The following HSDL1 variants were observed in gnomAD, a reference collection of about 807,000 sequenced individuals.
HSDL1 encodes inactive hydroxysteroid dehydrogenase-like protein 1.
A neutral mutation model predicts 31.5 loss-of-function variants in HSDL1; 29 were observed. The ratio of observed to expected loss-of-function variants is 0.92; its 90% confidence interval spans 0.69 to 1.26. The LOEUF (loss-of-function observed/expected upper bound fraction) is 1.26, where lower values mean the gene tolerates loss of function less well. Ranked by LOEUF, HSDL1 falls within the 50% of genes most tolerant of loss-of-function variation. The pLI, the probability that HSDL1 is intolerant of heterozygous loss-of-function variation, is 0.00. For missense variants in HSDL1, 503 were observed against 416.6 expected, an observed-to-expected ratio of 1.21 and a Z score of -1.81; for synonymous variants, 222 against 155.2, an observed-to-expected ratio of 1.43 and a Z score of -3.20.
Position 84,130,251 on chromosome 16 carries a change from A to G in HSDL1, c.401T>C (p.Leu134Pro). 1.2e-6 allele frequency: 2 copies of G among 1,614,238 alleles called. No homozygotes were observed. The highest frequency in any genetic ancestry group is 1.7e-6 in the Non-Finnish European group (2 of 1,180,042). Residue 134 changes from leucine to proline, a missense_variant, in exon 4 of 6, where the codon CTT becomes CCT. Leu to Pro is a moderately conservative substitution (Grantham distance 98, BLOSUM62 -3). Coordinates refer to ENST00000219439, the MANE Select transcript of HSDL1 (RefSeq NM_031463.5). Reference protein sequence around the residue: ...ADFSSGREIYLPIREALKDKD... With the variant: ...ADFSSGREIYPPIREALKDKD... ...GTCCTTCAGGGCTTCTCGAATTGGA[A>G]GGTAGATCTCACGACCGCTGCTGAA...
In HSDL1 at chr16:84,141,552, C is replaced by A. The variant is rs925572665; in HGVS notation, c.-69+3528G>T. Among the ~76,000 whole-genome samples the A allele has an allele frequency of 3.9e-5, 6 of 152,374 alleles. No individual in the cohort carries two copies. In the East Asian group the frequency reaches 1.2e-3, roughly 29 times the overall value. The stretch of plus-strand genomic sequence containing the variant: ...GCAAAGGGATTTGCCCATGGTTTAA[C>A]TGCTGGTCCACATGCATTCCACTGC... On this transcript the variant is annotated intron_variant, in intron 1 of 5. Transcript: ENST00000219439.
rs753159898 is a variant in HSDL1 at position 84,130,343 on chromosome 16, C to A, written c.309G>T (p.Lys103Asn). 2 of 1,614,222 alleles carry A rather than the reference C, an allele frequency of 1.2e-6. No homozygotes were observed. Among genetic ancestry groups the A allele is most frequent in the South Asian group, 2.2e-5 (2 of 91,084 alleles). The stretch of plus-strand genomic sequence containing the variant: ...CTATGTCTTTAGCAACAACCTGCAA[C>A]TTCTCCTCGTTCCGACTAATCAGGA... ...NIILISRNEE[K>N]LQVVAKDIAD... The change falls in exon 4 of 6, where the codon AAG (lysine) becomes AAT (asparagine). Residue 103 changes from lysine to asparagine, a missense_variant. By Grantham distance (94) the Lys-to-Asn change is moderately conservative. Transcript: ENST00000219439.
At chr16:84,125,954 T>A (rs906686734) in intron 5 of HSDL1, among the ~76,000 whole-genome samples, 1 of 151,922 alleles carries the variant, frequency 6.6e-6, no homozygotes, top group African/African-American at 2.4e-5. Flanking sequence ...ATACAAAAAA[T>A]TAGCCAGGCG....
intron 5 of HSDL1, among the ~76,000 whole-genome samples, chr16:84,128,391 T>G (rs1344118255): frequency 6.6e-6 from 1 of 152,080 alleles, no homozygotes; most frequent in East Asian, 1.9e-4. Context: ...AAATTAATAC[T>G]TACGATCACA....
chr16:84,125,761 A>T (rs1167130277), intron 5 of HSDL1, among the ~76,000 whole-genome samples: 2 of 152,240 alleles, frequency 1.3e-5, no homozygotes, highest in African/African-American at 4.8e-5. Flanking sequence ...ATGTAAATAC[A>T]ATTCTGTCTT....
Position 84,131,193 on chromosome 16 carries a change from G to A in HSDL1, c.129C>T (p.Asp43=), listed in dbSNP as rs1175623853. 13 of 1,614,066 alleles carry A rather than the reference G, an allele frequency of 8.1e-6. No individual in the cohort carries two copies. The highest frequency in any genetic ancestry group is 8.5e-6 in the Non-Finnish European group (10 of 1,180,018). The change falls in exon 3 of 6, where the codon GAC becomes GAT. Residue 43 remains aspartate, a synonymous_variant. Coordinates refer to ENST00000219439, the MANE Select transcript of HSDL1 (RefSeq NM_031463.5). ...AATGCAGCCTGATCAGGCTGTAAAA[G>A]TCACAGATGACAGTGATGCTTTTTC... ...TARKSITVIC[D]FYSLIRLHFI...
chr16:84,139,843 C>T (rs79742163), intron 1 of HSDL1, among the ~76,000 whole-genome samples: 1,704 of 152,276 alleles, frequency 0.011, 27 homozygotes, highest in African/African-American at 0.039. Context: ...CTGGGATTAT[C>T]CAGCTTTTCA....
At chr16:84,130,886 G>C in intron 3 of HSDL1, 1 of 549,248 alleles carries the variant, frequency 1.8e-6, no homozygotes, top group Non-Finnish European at 3.2e-6. Flanking sequence ...CTGGGAACAG[G>C]AGAGAGCAGA....
In HSDL1 at chr16:84,131,217, T is replaced by C. The variant is rs752998650; in HGVS notation, c.105A>G (p.Arg35=). 5 of 1,614,214 alleles carry C rather than the reference T, an allele frequency of 3.1e-6. No homozygotes were observed. Among genetic ancestry groups the C allele is most frequent in the Non-Finnish European group, 4.2e-6 (5 of 1,180,026 alleles). The change falls in exon 3 of 6, where the codon AGA becomes AGG. Residue 35 remains arginine, a synonymous_variant. Coordinates refer to ENST00000219439, the MANE Select transcript of HSDL1 (RefSeq NM_031463.5). ...AGTCACAGATGACAGTGATGCTTTT[T>C]CTGGCCGTATACCAGGCTCCAACCA... The part of the protein sequence containing the change: ...LALVGAWYTA[R]KSITVICDFY...
chr16:84,130,178 G>A lies in HSDL1; in HGVS notation c.474C>T (p.Tyr158=). 1.2e-6 allele frequency: 2 copies of A among 1,614,212 alleles called. No homozygotes were observed. The highest frequency in any genetic ancestry group is 1.7e-6 in the Non-Finnish European group (2 of 1,180,034). The change falls in exon 4 of 6, where the codon TAC becomes TAT. Residue 158 remains tyrosine (Y), a synonymous_variant. Transcript: ENST00000219439. ...LVNNVGVFYP[Y]PQYFTQLSED... is the part of the protein sequence containing the mutation. Reference sequence around the variant, plus strand: ...CGGACAGCTGAGTGAAATACTGCGGGTAGGGATAAAACACACCCACGTTAT... The same window carrying A: ...CGGACAGCTGAGTGAAATACTGCGGATAGGGATAAAACACACCCACGTTAT...
intron 5 of HSDL1, 98 bp from the exon 6 acceptor site, chr16:84,124,826 C>A: frequency 1.4e-6 from 1 of 706,790 alleles, no homozygotes; most frequent in Non-Finnish European, 2.5e-6. Flanking sequence ...CCAATCACAA[C>A]AAATACCCAC....
chr16:84,130,019 G>C lies in HSDL1; in HGVS notation c.633C>G (p.Pro211=). Residue 211 remains proline, a synonymous_variant, in exon 4 of 6, where the codon CCC becomes CCG. Coordinates refer to ENST00000219439, the MANE Select transcript of HSDL1 (RefSeq NM_031463.5). ...VTISSGSCCK[P]TPQLAAFSAS... is the part of the protein sequence containing the mutation. ...CAGAAAATGCAGCCAGCTGAGGAGT[G>C]GGTTTGCAGCAGGAGCCAGAAGAGA... 1.9e-6 allele frequency: 3 copies of C among 1,614,044 alleles called. No homozygotes were observed. The highest frequency in any genetic ancestry group is 2.5e-6 in the Non-Finnish European group (3 of 1,179,954).
At chr16:84,136,534 C>G (rs1406796921) in intron 1 of HSDL1, among the ~76,000 whole-genome samples, 1 of 152,246 alleles carries the variant, frequency 6.6e-6, no homozygotes, top group Non-Finnish European at 1.5e-5. Flanking sequence ...GAGCGGACCA[C>G]CCACAAATTC....
At chr16:84,135,429 G>C (rs991403929) in intron 2 of HSDL1, 115 bp downstream of exon 2, 1 of 152,018 alleles carries the variant, frequency 6.6e-6, no homozygotes, top group African/African-American at 2.4e-5. Context: ...CCTTAAGCCC[G>C]ATTTTTTTCA....
intron 1 of HSDL1, among the ~76,000 whole-genome samples, chr16:84,143,330 A>G (rs1237252461): frequency 1.3e-5 from 2 of 152,256 alleles, no homozygotes; most frequent in Non-Finnish European, 2.9e-5. Flanking sequence ...ACATTATGCT[A>G]AAGGACAGAA....
intron 1 of HSDL1, among the ~76,000 whole-genome samples, chr16:84,136,849 T>C (rs2086717637): frequency 6.6e-6 from 1 of 152,194 alleles, no homozygotes; most frequent in Non-Finnish European, 1.5e-5. Context: ...TCAGCCTTGA[T>C]GGATAGAAAC....
At chr16:84,134,399 G>C (rs2086694510) in intron 2 of HSDL1, among the ~76,000 whole-genome samples, 1 of 152,144 alleles carries the variant, frequency 6.6e-6, no homozygotes, top group Non-Finnish European at 1.5e-5. Flanking sequence ...GAGGTGGGCA[G>C]ATCACTTGAG....
intron 3 of HSDL1, chr16:84,130,813 G>T (rs2086656826): frequency 5.0e-6 from 2 of 402,454 alleles, no homozygotes; most frequent in South Asian, 4.8e-5. Flanking sequence ...ACACTTTCAA[G>T]ACAATTTTAA....
At chr16:84,129,359 G>A (rs2086639169) in intron 5 of HSDL1, among the ~76,000 whole-genome samples, 189 bp downstream of exon 5, 3 of 151,732 alleles carry the variant, frequency 2.0e-5, no homozygotes, top group Admixed American at 2.0e-4. Flanking sequence ...CAGCCTGGGT[G>A]ACAGAGCCAG....
Sources: allele counts gnomAD v4.1 joint callset (sites outside exome capture counted in the v4.1 genomes callset), GRCh38; gene constraint gnomAD v4.1.1; transcripts MANE v1.5; gene names NCBI Gene and HGNC (gene_info 2026-07-23, HGNC 2026-07-21).